Variants in PPFIA2 observed in about 807,000 individuals in gnomAD.
PPFIA2 encodes PPFI scaffold protein A2.
In PPFIA2, 46 loss-of-function variants were observed where a neutral mutation model predicts 175.5. The observed-to-expected ratio is 0.26, with a 90% CI of 0.21 to 0.34. PPFIA2 has a LOEUF of 0.34. Ranked by LOEUF, PPFIA2 falls within the 10% of genes least tolerant of loss-of-function variation. PPFIA2 has a pLI of 1.00. For synonymous variants in PPFIA2, 568 were observed against 511.4 expected (o/e 1.11, Z -1.49); for missense variants, 1,179 against 1,506.1 (o/e 0.78, Z 3.60).
intron 8 of PPFIA2, among the ~76,000 whole-genome samples, chr12:81,399,830 A>C (rs953146347): frequency 1.3e-5 from 2 of 152,186 alleles, no homozygotes; most frequent in Non-Finnish European, 2.9e-5. Flanking sequence ...TATGGAATCA[A>C]TACACAGAAG....
At chr12:81,623,970 T>C (rs2062375647) in intron 4 of PPFIA2, among the ~76,000 whole-genome samples, 1 of 151,936 alleles carries the variant, frequency 6.6e-6, no homozygotes, top group Non-Finnish European at 1.5e-5. Context: ...TATAGTAAAT[T>C]ACCTGTTATA....
chr12:81,490,145 C>G, intron 4 of PPFIA2, among the ~76,000 whole-genome samples: 1 of 151,930 alleles, frequency 6.6e-6, no homozygotes, highest in East Asian at 1.9e-4. Flanking sequence ...TGGAAACACA[C>G]AATTCAAATT....
chr12:81,748,525 T>G (rs2083338237), intron 3 of PPFIA2, among the ~76,000 whole-genome samples: 1 of 144,664 alleles, frequency 6.9e-6, no homozygotes, highest in South Asian at 2.3e-4. Context: ...CATTACAGGA[T>G]TAGACACATG....
chr12:81,261,307 C>T (rs1299827775), intron 32 of PPFIA2: 1 of 152,148 alleles, frequency 6.6e-6, no homozygotes, highest in Non-Finnish European at 1.5e-5. Flanking sequence ...ACTTCTGCCT[C>T]CCAGGTTCAA....
chr12:81,445,580 C>T lies in PPFIA2; in HGVS notation c.546G>A (p.Glu182=), dbSNP rs767032304. 2.5e-6 allele frequency: 4 copies of T among 1,613,764 alleles called. No individual in the cohort carries two copies. Among genetic ancestry groups the T allele is most frequent in the Admixed American group, 3.3e-5 (2 of 60,002 alleles). The stretch of plus-strand genomic sequence containing the variant: ...CCTTTTCATCCAAGGCCTTGTGGTG[C>T]TCAAACAAAGATTTCAGTGCCTTGA... The part of the protein sequence containing the change: ...EVLKALKSLF[E]HHKALDEKVR... The change falls in exon 6 of 33, where the codon GAG becomes GAA. Residue 182 remains glutamate, a synonymous_variant. Coordinates refer to ENST00000549396, the MANE Select transcript of PPFIA2 (RefSeq NM_003625.5).
chr12:81,357,597 G>C (rs1313609879), intron 16 of PPFIA2, among the ~76,000 whole-genome samples: 4 of 152,104 alleles, frequency 2.6e-5, no homozygotes, highest in Non-Finnish European at 4.4e-5. Flanking sequence ...TCTTCAAAGT[G>C]TTTTTAAAAT....
chr12:81,365,467 G>A (rs1387819743), intron 14 of PPFIA2, among the ~76,000 whole-genome samples: 5 of 151,862 alleles, frequency 3.3e-5, no homozygotes, highest in African/African-American at 1.2e-4. Flanking sequence ...GCTTTGGTAG[G>A]TGGTGGGGGA....
In PPFIA2 at chr12:81,747,043, C is replaced by T. The variant is rs959133548; in HGVS notation, c.249+6930G>A. Among the ~76,000 whole-genome samples, 37 of 142,034 alleles carry T rather than the reference C, an allele frequency of 2.6e-4. 1 individual carries two copies. Among genetic ancestry groups the T allele is most frequent in the African/African-American group, 7.9e-4 (32 of 40,640 alleles). 93.2% of individuals were successfully genotyped at this position (142,034 alleles called of 152,430 possible). A position where few individuals can be genotyped will look rare whatever the true frequency, so the allele number is the denominator to read the frequency against. On this transcript the variant is annotated intron_variant, in intron 3 of 32. Coordinates refer to ENST00000549396, the MANE Select transcript of PPFIA2 (RefSeq NM_003625.5). ...ATGAGTGTACTTTATTTTAGGAAAA[C>T]AATGATGATAGAAGCCTGATTGCAA... is the stretch of plus-strand genomic sequence containing the variant.
intron 16 of PPFIA2, among the ~76,000 whole-genome samples, chr12:81,354,695 G>T (rs546591504): frequency 6.6e-6 from 1 of 151,986 alleles, no homozygotes; most frequent in South Asian, 2.1e-4. Context: ...CCAGGCTGGA[G>T]GGCAGCGGCT....
At chr12:81,318,832 A>T (rs1193159857) in intron 22 of PPFIA2, among the ~76,000 whole-genome samples, 1 of 151,730 alleles carries the variant, frequency 6.6e-6, no homozygotes, top group Admixed American at 6.6e-5. Context: ...AAATGCAATA[A>T]TTAGTTTTCA....
chr12:81,550,535 G>C (rs1362221368), intron 4 of PPFIA2, among the ~76,000 whole-genome samples: 1 of 151,976 alleles, frequency 6.6e-6, no homozygotes, highest in Non-Finnish European at 1.5e-5. Flanking sequence ...GTAAACAGTA[G>C]AGGATCTGAA....
intron 3 of PPFIA2, among the ~76,000 whole-genome samples, chr12:81,738,674 T>TA (rs1023325006): frequency 2.0e-4 from 30 of 147,484 alleles, no homozygotes; most frequent in Admixed American, 5.4e-4. Flanking sequence ...AAGGTTGATT[T>TA]AAAAAAAAAA....
At chr12:81,378,110 G>A (rs1034912013) in intron 9 of PPFIA2, 2 of 152,100 alleles carry the variant, frequency 1.3e-5, no homozygotes, top group African/African-American at 4.8e-5. Context: ...GTAACCATTA[G>A]AAGCTAGAAG....
intron 3 of PPFIA2, among the ~76,000 whole-genome samples, chr12:81,678,418 G>A (rs1417354331): frequency 6.6e-6 from 1 of 151,796 alleles, no homozygotes; most frequent in Non-Finnish European, 1.5e-5. Flanking sequence ...TTCAAGGAAG[G>A]GGACAGGGAA....
At chr12:81,653,060 C>A (rs2067251500) in intron 4 of PPFIA2, among the ~76,000 whole-genome samples, 1 of 152,128 alleles carries the variant, frequency 6.6e-6, no homozygotes, top group Non-Finnish European at 1.5e-5. Context: ...TGACCCTAAA[C>A]CAAACTCCCA....
intron 4 of PPFIA2, among the ~76,000 whole-genome samples, chr12:81,471,966 A>C (rs1484121136): frequency 6.6e-6 from 1 of 152,224 alleles, no homozygotes; most frequent in Non-Finnish European, 1.5e-5. Flanking sequence ...AATTGTATAC[A>C]TTAATTATAT....
At chr12:81,386,092 T>C (rs895834129) in intron 8 of PPFIA2, among the ~76,000 whole-genome samples, 2 of 149,642 alleles carry the variant, frequency 1.3e-5, no homozygotes, top group Non-Finnish European at 3.0e-5. Flanking sequence ...CTGGGTGACA[T>C]AGCAAGGCCT....
intron 4 of PPFIA2, among the ~76,000 whole-genome samples, chr12:81,552,643 T>G (rs1177097256): frequency 6.6e-5 from 10 of 152,028 alleles, no homozygotes; most frequent in Non-Finnish European, 8.8e-5. Context: ...GTGGTTTAAA[T>G]ATCAAAAATT....
chr12:81,519,094 T>C (rs74106621), intron 4 of PPFIA2, among the ~76,000 whole-genome samples: 1 of 152,142 alleles, frequency 6.6e-6, no homozygotes, highest in Admixed American at 6.5e-5. Flanking sequence ...TTTCTTCCCT[T>C]TTTAAAAACT....
Sources: allele counts gnomAD v4.1 joint callset (sites outside exome capture counted in the v4.1 genomes callset), GRCh38; gene constraint gnomAD v4.1.1; transcripts MANE v1.5; gene names NCBI Gene and HGNC (gene_info 2026-07-23, HGNC 2026-07-21).